The following HELZ variants were observed in gnomAD, a reference collection of about 807,000 sequenced individuals.
The protein encoded by HELZ is ATP-dependent RNA helicase with zinc finger domain.
Under a neutral mutation model 218.2 loss-of-function variants are expected in HELZ, and 23 were observed. That is an observed-to-expected ratio of 0.11 (90% confidence interval 0.08 to 0.15). The LOEUF is 0.15. Among genes scored for constraint, HELZ ranks in the 10% least tolerant of loss-of-function variants. HELZ has a pLI of 1.00. For missense variants in HELZ, 1,813 were observed against 2,353.7 expected (o/e 0.77, Z 4.75); for synonymous variants, 814 against 829.4 (o/e 0.98, Z 0.32).
chr17:67,244,957 A>G (rs1201029370), intron 1 of HELZ, 191 bp downstream of exon 1: 1 of 985,752 alleles, frequency 1.0e-6, no homozygotes, highest in Non-Finnish European at 1.2e-6. Context: ...AAACAGCCCC[A>G]GCGTCCGGGC....
intron 7 of HELZ, among the ~76,000 whole-genome samples, chr17:67,196,098 C>T (rs976945746): frequency 1.3e-5 from 2 of 151,948 alleles, no homozygotes; most frequent in African/African-American, 4.8e-5. Context: ...GTGATCCGCC[C>T]GCCTCGGCCT....
At chr17:67,078,995 C>T (rs2036102599) in intron 32 of HELZ, among the ~76,000 whole-genome samples, 1 of 152,204 alleles carries the variant, frequency 6.6e-6, no homozygotes, top group Non-Finnish European at 1.5e-5. Flanking sequence ...TATTACTGAG[C>T]TAAGTAATAG....
intron 13 of HELZ, among the ~76,000 whole-genome samples, chr17:67,174,350 T>C (rs980007661): frequency 3.3e-5 from 5 of 152,200 alleles, no homozygotes; most frequent in African/African-American, 1.2e-4. Flanking sequence ...TCTTGCTCTG[T>C]TGCCCAGGCT....
At chr17:67,168,884 C>A (rs1173967906) in intron 13 of HELZ, among the ~76,000 whole-genome samples, 1 of 152,044 alleles carries the variant, frequency 6.6e-6, no homozygotes, top group Non-Finnish European at 1.5e-5. Flanking sequence ...CTGAGGGGGG[C>A]AGTTCAAGAC....
At chr17:67,194,743 T>C (rs949619621) in intron 8 of HELZ, among the ~76,000 whole-genome samples, 2 of 152,172 alleles carry the variant, frequency 1.3e-5, no homozygotes, top group Non-Finnish European at 2.9e-5. Context: ...AAGGAACTTA[T>C]AGCCATTTTC....
chr17:67,086,756 A>G (rs1262063039), intron 32 of HELZ, 73 bp downstream of exon 32: 2 of 1,519,988 alleles, frequency 1.3e-6, no homozygotes, highest in Non-Finnish European at 1.8e-6. Flanking sequence ...GGCAGGTGGT[A>G]TAGAAGAAAA....
chr17:67,192,851 T>C (rs2039932159), intron 9 of HELZ, among the ~76,000 whole-genome samples: 1 of 152,228 alleles, frequency 6.6e-6, no homozygotes. Context: ...TCCTTCCACA[T>C]TAATAAATAA....
intron 16 of HELZ, 60 bp from the exon 17 acceptor site, chr17:67,160,422 A>T: frequency 8.7e-7 from 1 of 1,150,530 alleles, no homozygotes; most frequent in Non-Finnish European, 1.3e-6. Context: ...TTCAAGCAGT[A>T]TAATACCAAA....
intron 32 of HELZ, among the ~76,000 whole-genome samples, chr17:67,080,713 A>G (rs1334654125): frequency 1.3e-5 from 2 of 152,212 alleles, no homozygotes; most frequent in African/African-American, 2.4e-5. Flanking sequence ...CAGTCATGGC[A>G]TGGCTAAATA....
chr17:67,203,137 CAAAAA>C (rs558879920), intron 6 of HELZ, among the ~76,000 whole-genome samples, 177 bp downstream of exon 6: 1 of 150,898 alleles, frequency 6.6e-6, no homozygotes, highest in Non-Finnish European at 1.5e-5. Context: ...AAGAAAAAAA[CAAAAA>C]AAGAAAAGAA....
chr17:67,123,465 C>G (rs1475837203), intron 25 of HELZ, among the ~76,000 whole-genome samples: 3 of 152,142 alleles, frequency 2.0e-5, no homozygotes, highest in Non-Finnish European at 4.4e-5. Context: ...TCCTAGTAAA[C>G]AGTCTTCTAT....
At position 67,108,482 on chromosome 17, in the gene HELZ, G is replaced by T; in HGVS notation, c.4724+10C>A. 1.2e-6 allele frequency: 2 copies of T among 1,600,754 alleles called. No individual in the cohort carries two copies. The highest frequency in any genetic ancestry group is 1.3e-5 in the African/African-American group (1 of 74,774). The stretch of plus-strand genomic sequence containing the variant: ...GCATTCCAGGGGCTATTTTCAGTCC[G>T]CTGGAATACCTTGAGTATGTGGTCT... On this transcript the variant is annotated intron_variant, in intron 30 of 32. Coordinates refer to ENST00000358691, the MANE Select transcript of HELZ (RefSeq NM_014877.4). The surrounding 1 kb of genome is among the most constrained non-coding windows in gnomAD (Gnocchi z 4.1).
intron 3 of HELZ, among the ~76,000 whole-genome samples, chr17:67,227,210 T>A (rs75787871): frequency 1.3e-5 from 2 of 151,050 alleles, no homozygotes; most frequent in African/African-American, 2.5e-5. Context: ...TTTTTTTTTT[T>A]AAGATGGAGT....
intron 3 of HELZ, among the ~76,000 whole-genome samples, chr17:67,232,052 CAAAAAAAA>C (rs754429326): frequency 9.4e-5 from 4 of 42,484 alleles, no homozygotes; most frequent in South Asian, 9.1e-4. Flanking sequence ...GACTCCATCT[CAAAAAAAA>C]AAAAAAAAAA....
Position 67,073,095 on chromosome 17 carries a change from T to C in HELZ, c.*5157A>G, listed in dbSNP as rs966178295. 6.6e-6 allele frequency: 1 copy of C among 152,242 alleles called. No individual in the cohort carries two copies. The highest frequency in any genetic ancestry group is 1.5e-5 in the Non-Finnish European group (1 of 68,030). 9.4% of individuals were successfully genotyped at this position (152,242 alleles called of 1,614,324 possible). Reference sequence around the variant, plus strand: ...TAAAACAGGACAGATCTGTAAATAGTACTATGTGACTTCTACTCTGTGTTG... The same window carrying C: ...TAAAACAGGACAGATCTGTAAATAGCACTATGTGACTTCTACTCTGTGTTG... On this transcript the variant is annotated 3_prime_UTR_variant, in exon 33 of 33. Transcript: ENST00000358691.
At chr17:67,107,076 C>A in intron 31 of HELZ, 93 bp downstream of exon 31, 1 of 1,172,500 alleles carries the variant, frequency 8.5e-7, no homozygotes, top group South Asian at 1.5e-5. Context: ...CTGTTAAATT[C>A]AATAAGATCT....
Position 67,107,492 on chromosome 17 carries a change from C to T in HELZ, c.4918G>A (p.Asp1640Asn), listed in dbSNP as rs1187670289. The T allele has an allele frequency of 6.2e-7, 1 of 1,614,150 alleles. No individual in the cohort carries two copies. The highest frequency in any genetic ancestry group is 8.5e-7 in the Non-Finnish European group (1 of 1,180,016). ...GCTGGGTTGCTGGCTACTTCAATGT[C>T]TCTGCTGTTATCATTAAAGTTAGAA... The part of the protein sequence containing the change: ...HFSNFNDNSR[D>N]IEVASNPAFP... The change falls in exon 31 of 33, where the codon GAC (aspartate) becomes AAC (asparagine). Residue 1640 changes from aspartate (D) to asparagine (N), a missense_variant. Transcript: ENST00000358691.
chr17:67,100,694 AAAAAC>A (rs569699110), intron 31 of HELZ, among the ~76,000 whole-genome samples: 38 of 152,282 alleles, frequency 2.5e-4, no homozygotes, highest in African/African-American at 7.9e-4. Flanking sequence ...CATTAATAAC[AAAAAC>A]AAAACAAAAC....
intron 5 of HELZ, among the ~76,000 whole-genome samples, chr17:67,205,735 T>A (rs2040279606): frequency 6.6e-6 from 1 of 152,228 alleles, no homozygotes; most frequent in Non-Finnish European, 1.5e-5. Context: ...GTTTCATAGA[T>A]CTTTGGTTTT....
Sources: allele counts gnomAD v4.1 joint callset (sites outside exome capture counted in the v4.1 genomes callset), GRCh38; gene constraint gnomAD v4.1.1; non-coding constraint Gnocchi (gnomAD v3.1); transcripts MANE v1.5; gene names NCBI Gene and HGNC (gene_info 2026-07-23, HGNC 2026-07-21).